The following NCOA1 variants were observed in gnomAD, a reference collection of about 807,000 sequenced individuals.
NCOA1 encodes the protein Hin-2 protein.
NCOA1 carries 35 observed loss-of-function variants against 150.9 expected under a neutral mutation model. The observed-to-expected ratio is 0.23, with a 90% CI of 0.18 to 0.31. The LOEUF (loss-of-function observed/expected upper bound fraction) is 0.31. Among genes scored for constraint, NCOA1 ranks in the 10% least tolerant of loss-of-function variants. NCOA1 has a pLI of 1.00. For synonymous variants in NCOA1, 590 were observed against 630.0 expected (o/e 0.94, Z 0.95); for missense variants, 1,491 against 1,749.3 (o/e 0.85, Z 2.63).
chr2:24,551,526 G>A (rs529216483), intron 1 of NCOA1, among the ~76,000 whole-genome samples: 7 of 151,882 alleles, frequency 4.6e-5, no homozygotes, highest in Admixed American at 6.5e-5. Flanking sequence ...AAAACTCTCC[G>A]TCAGTGAGAG....
At chr2:24,723,436 C>T (rs1250184431) in intron 14 of NCOA1, among the ~76,000 whole-genome samples, 1 of 152,172 alleles carries the variant, frequency 6.6e-6, no homozygotes, top group Non-Finnish European at 1.5e-5. Flanking sequence ...GACGGTATAT[C>T]TGAGATACAA....
chr2:24,660,286 A>G (rs1234698117), intron 5 of NCOA1, among the ~76,000 whole-genome samples: 2 of 152,050 alleles, frequency 1.3e-5, no homozygotes, highest in Admixed American at 6.6e-5. Context: ...TAAATATATA[A>G]AAGAATATAG....
intron 22 of NCOA1, among the ~76,000 whole-genome samples, chr2:24,767,381 A>G (rs1665119796): frequency 6.6e-6 from 1 of 152,202 alleles, no homozygotes; most frequent in Non-Finnish European, 1.5e-5. Context: ...CAAGTGTGGT[A>G]TTGGCCCTAA....
chr2:24,665,166 C>T (rs1411644734), intron 5 of NCOA1, among the ~76,000 whole-genome samples: 1 of 152,078 alleles, frequency 6.6e-6, no homozygotes, highest in African/African-American at 2.4e-5. Context: ...TTTTAGGACA[C>T]AGCTGTATAC....
intron 3 of NCOA1, among the ~76,000 whole-genome samples, chr2:24,633,764 T>TA (rs1167772582): frequency 6.6e-6 from 1 of 152,214 alleles, no homozygotes; most frequent in African/African-American, 2.4e-5. Flanking sequence ...ATTATTTTGG[T>TA]AAACAGTTTG....
chr2:24,575,083 CTT>C (rs34166388), intron 2 of NCOA1, among the ~76,000 whole-genome samples: 9 of 151,532 alleles, frequency 5.9e-5, no homozygotes, highest in Non-Finnish European at 8.8e-5. Context: ...TGTTTTTTAT[CTT>C]TTTTTTTCCT....
At chr2:24,700,969 G>T (rs1480750839) in intron 11 of NCOA1, among the ~76,000 whole-genome samples, 1 of 152,036 alleles carries the variant, frequency 6.6e-6, no homozygotes, top group Non-Finnish European at 1.5e-5. Flanking sequence ...TATATTTAAG[G>T]TATTTAAGTT....
At chr2:24,754,337 A>AC (rs1296270482) in intron 20 of NCOA1, among the ~76,000 whole-genome samples, 1 of 151,858 alleles carries the variant, frequency 6.6e-6, no homozygotes, top group Non-Finnish European at 1.5e-5. Flanking sequence ...GGCCCGTAAA[A>AC]CCCCACATCA....
intron 1 of NCOA1, among the ~76,000 whole-genome samples, chr2:24,516,349 C>T (rs972240153): frequency 7.9e-5 from 12 of 151,716 alleles, no homozygotes; most frequent in East Asian, 5.8e-4. Context: ...CCCGCTACCA[C>T]GCCTGGCTAA....
intron 1 of NCOA1, among the ~76,000 whole-genome samples, chr2:24,557,467 C>T (rs1666117113): frequency 6.6e-6 from 1 of 151,942 alleles, no homozygotes; most frequent in African/African-American, 2.4e-5. Flanking sequence ...TCTTCCAATG[C>T]TCTTCGTCTT....
chr2:24,709,194 G>A (rs917729348), intron 13 of NCOA1, among the ~76,000 whole-genome samples: 5 of 152,144 alleles, frequency 3.3e-5, no homozygotes, highest in African/African-American at 1.2e-4. Context: ...ATGCCATTGT[G>A]TTCAGTTCTG....
chr2:24,735,361 C>T (rs1047185734), intron 17 of NCOA1, among the ~76,000 whole-genome samples: 1 of 152,066 alleles, frequency 6.6e-6, no homozygotes, highest in African/African-American at 2.4e-5. Context: ...TGGTCATATC[C>T]TCTCCTTCCC....
Position 24,540,718 on chromosome 2 carries a change from C to T in NCOA1, c.-395-23577C>T, listed in dbSNP as rs952214437. On this transcript the variant is annotated intron_variant, in intron 1 of 22. Transcript: ENST00000348332. ...AAGTGATCCGCCTGCCTCAGCCTCC[C>T]GAAGTGCTGGGATTACAGGTGTGAG... is the stretch of plus-strand genomic sequence containing the variant. Among the ~76,000 whole-genome samples, 5 of 152,158 alleles carry T rather than the reference C, an allele frequency of 3.3e-5. No homozygotes were observed. The South Asian group carries it at 8.3e-4, about 25-fold the overall frequency.
rs1664264934 is a variant in NCOA1 at position 24,751,974 on chromosome 2, A to G, written c.3707-8A>G. 1.2e-6 allele frequency: 2 copies of G among 1,603,398 alleles called. No individual in the cohort carries two copies. Among genetic ancestry groups the G allele is most frequent in the African/African-American group, 1.3e-5 (1 of 74,490 alleles). ...TATCAACATAAATTAATTTGTGTCA[A>G]TTTACAGGAATGGTTCCCCAAGGTG... On this transcript the variant is annotated splice_polypyrimidine_tract_variant and splice_region_variant and intron_variant, in intron 19 of 22. Coordinates refer to ENST00000348332, the MANE Select transcript of NCOA1 (RefSeq NM_003743.5).
intron 1 of NCOA1, among the ~76,000 whole-genome samples, chr2:24,560,475 G>C (rs1666253195): frequency 6.6e-6 from 1 of 151,958 alleles, no homozygotes; most frequent in African/African-American, 2.4e-5. Flanking sequence ...ATTCTTTGGT[G>C]GCTTTCTGCA....
At chr2:24,508,210 TTTTA>T (rs1288253209) in intron 1 of NCOA1, among the ~76,000 whole-genome samples, 1 of 152,162 alleles carries the variant, frequency 6.6e-6, no homozygotes, top group Non-Finnish European at 1.5e-5. Context: ...TAGTTATGAC[TTTTA>T]TTCTCATTTT....
chr2:24,747,843 A>G (rs1037809563), intron 19 of NCOA1, among the ~76,000 whole-genome samples: 2 of 152,330 alleles, frequency 1.3e-5, no homozygotes, highest in East Asian at 1.9e-4. Flanking sequence ...ACAGTGGTTC[A>G]TGCCTGTAAT....
chr2:24,725,714 C>CATGTGT (rs1260070942), intron 14 of NCOA1, among the ~76,000 whole-genome samples: 161 of 148,988 alleles, frequency 1.1e-3, no homozygotes, highest in African/African-American at 4.0e-3. Context: ...CTAAAGTGTG[C>CATGTGT]GTGTGTGTGT....
intron 1 of NCOA1, among the ~76,000 whole-genome samples, chr2:24,520,670 C>G (rs1274206697): frequency 1.3e-5 from 2 of 152,174 alleles, no homozygotes; most frequent in Non-Finnish European, 1.5e-5. Flanking sequence ...ATTGCATTAT[C>G]TGGATTGTGG....
Sources: allele counts gnomAD v4.1 joint callset (sites outside exome capture counted in the v4.1 genomes callset), GRCh38; gene constraint gnomAD v4.1.1; transcripts MANE v1.5; gene names NCBI Gene and HGNC (gene_info 2026-07-23, HGNC 2026-07-21).